Variants in FLVCR2 observed in about 807,000 individuals in gnomAD.
FLVCR2 encodes FLVCR choline and putative heme transporter 2, also known as choline/ethanolamine transporter FLVCR2.
FLVCR2 carries 38 observed loss-of-function variants against 48.9 expected under a neutral mutation model. The observed-to-expected ratio is 0.78, with a 90% CI of 0.60 to 1.02. The LOEUF (loss-of-function observed/expected upper bound fraction) is 1.02. Ranked by LOEUF, FLVCR2 falls within the 50% of genes least tolerant of loss-of-function variation. The pLI is 0.00. For missense variants in FLVCR2, 664 were observed against 663.3 expected (o/e 1.00, Z -0.01); for synonymous variants, 255 against 257.0 (o/e 0.99, Z 0.07).
chr14:75,613,260 T>A (rs1402832761), intron 1 of FLVCR2, among the ~76,000 whole-genome samples: 4 of 152,086 alleles, frequency 2.6e-5, no homozygotes, highest in African/African-American at 9.7e-5. Context: ...GGTGCCAGCA[T>A]CTGCTTGACT....
intron 1 of FLVCR2, among the ~76,000 whole-genome samples, chr14:75,600,651 T>C (rs1411339170): frequency 6.6e-6 from 1 of 152,182 alleles, no homozygotes; most frequent in Non-Finnish European, 1.5e-5. Flanking sequence ...GAAAATGCTT[T>C]ATAATGTTAG....
intron 9 of FLVCR2, 132 bp downstream of exon 9, chr14:75,642,030 C>A: frequency 1.3e-6 from 1 of 798,672 alleles, no homozygotes; most frequent in East Asian, 2.5e-5. Context: ...CAGTTCATCC[C>A]TTACACATGG....
At chr14:75,596,442 T>A (rs1396129661) in intron 1 of FLVCR2, among the ~76,000 whole-genome samples, 2 of 151,938 alleles carry the variant, frequency 1.3e-5, no homozygotes, top group African/African-American at 2.4e-5. Context: ...TGTGGTGGGG[T>A]CCCAGTGAGC....
chr14:75,624,906 C>G (rs562223135), intron 3 of FLVCR2, among the ~76,000 whole-genome samples, 154 bp downstream of exon 3: 1 of 152,162 alleles, frequency 6.6e-6, no homozygotes, highest in Non-Finnish European at 1.5e-5. Context: ...GCCCAAGGGC[C>G]TTTGCATGTG....
At chr14:75,593,574 G>T (rs1888938715) in intron 1 of FLVCR2, among the ~76,000 whole-genome samples, 1 of 152,138 alleles carries the variant, frequency 6.6e-6, no homozygotes, top group Non-Finnish European at 1.5e-5. Context: ...CATGAGATCA[G>T]CTGGTGGAGG....
intron 1 of FLVCR2, among the ~76,000 whole-genome samples, chr14:75,616,930 G>T (rs950977026): frequency 2.0e-5 from 3 of 152,204 alleles, no homozygotes; most frequent in Non-Finnish European, 4.4e-5. Context: ...TCCTTGCCTT[G>T]CCTTTTGGGG....
intron 7 of FLVCR2, 61 bp downstream of exon 7, chr14:75,641,121 G>C (rs1890299325): frequency 6.4e-7 from 1 of 1,552,696 alleles, no homozygotes. Context: ...TGGCAGCTCA[G>C]TTCTTCCTCA....
At chr14:75,620,509 C>A (rs1162824673) in intron 1 of FLVCR2, among the ~76,000 whole-genome samples, 1 of 152,204 alleles carries the variant, frequency 6.6e-6, no homozygotes, top group Admixed American at 6.5e-5. Flanking sequence ...GATGAACTTT[C>A]AAACTGTAAT....
chr14:75,633,534 G>A (rs1017917659), intron 3 of FLVCR2, 95 bp from the exon 4 acceptor site: 1 of 968,612 alleles, frequency 1.0e-6, no homozygotes, highest in South Asian at 1.3e-5. Flanking sequence ...GTGAGATGAG[G>A]ATTTCTGCCC....
intron 3 of FLVCR2, among the ~76,000 whole-genome samples, chr14:75,630,944 C>T (rs1890024415): frequency 6.6e-6 from 1 of 152,182 alleles, no homozygotes; most frequent in Non-Finnish European, 1.5e-5. Flanking sequence ...GGGGTACTCA[C>T]ACAGGAAGGA....
intron 3 of FLVCR2, among the ~76,000 whole-genome samples, chr14:75,625,454 A>G (rs1250536869): frequency 6.6e-6 from 1 of 151,948 alleles, no homozygotes; most frequent in East Asian, 1.9e-4. Context: ...TGTTGGATCG[A>G]ACAAGGGCAA....
At chr14:75,627,727 G>A (rs758201832) in intron 3 of FLVCR2, among the ~76,000 whole-genome samples, 4 of 152,220 alleles carry the variant, frequency 2.6e-5, no homozygotes, top group Non-Finnish European at 4.4e-5. Context: ...AACAGTCAAT[G>A]GCACTGCTTA....
chr14:75,605,369 C>T, intron 1 of FLVCR2: 1 of 1,156,890 alleles, frequency 8.6e-7, no homozygotes, highest in Non-Finnish European at 1.2e-6. Flanking sequence ...AATATCTCCC[C>T]TCCCTTGATT....
At chr14:75,598,668 G>T (rs547665092) in intron 1 of FLVCR2, among the ~76,000 whole-genome samples, 22 of 152,180 alleles carry the variant, frequency 1.4e-4, no homozygotes, top group East Asian at 9.7e-4. Context: ...TAGAATCTGG[G>T]TCTCACTACT....
At chr14:75,645,372 A>G (rs1263638801) in intron 9 of FLVCR2, among the ~76,000 whole-genome samples, 1 of 152,178 alleles carries the variant, frequency 6.6e-6, no homozygotes, top group Non-Finnish European at 1.5e-5. Context: ...TGTGAATCAG[A>G]AGAACCCTTG....
chr14:75,633,237 G>A (rs2140047516), intron 3 of FLVCR2, among the ~76,000 whole-genome samples: 1 of 152,302 alleles, frequency 6.6e-6, no homozygotes, highest in South Asian at 2.1e-4. Flanking sequence ...GCAGCCTCAA[G>A]AAGGGGCAGG....
At chr14:75,628,723 T>C (rs995527052) in intron 3 of FLVCR2, among the ~76,000 whole-genome samples, 4 of 152,214 alleles carry the variant, frequency 2.6e-5, no homozygotes, top group Non-Finnish European at 5.9e-5. Context: ...CTCTGCCAGA[T>C]ACTGAGTGTA....
chr14:75,583,069 T>G (rs1361800208), intron 1 of FLVCR2, among the ~76,000 whole-genome samples: 1 of 152,174 alleles, frequency 6.6e-6, no homozygotes, highest in South Asian at 2.1e-4. Context: ...CTGAGGCTGA[T>G]GGGCATCAGG....
At chr14:75,604,534 G>A (rs1383484622) in intron 1 of FLVCR2, among the ~76,000 whole-genome samples, 1 of 151,572 alleles carries the variant, frequency 6.6e-6, no homozygotes, top group African/African-American at 2.4e-5. Context: ...ACCAGCCTGG[G>A]CAACATAGTA....
Sources: gnomAD v4.1 joint callset for allele counts (sites outside exome capture counted in the v4.1 genomes callset) on GRCh38, gnomAD v4.1.1 for gene constraint, MANE v1.5 for transcripts, NCBI Gene and HGNC (gene_info 2026-07-23, HGNC 2026-07-21) for gene names.